The following FMN2 variants were observed in gnomAD, a reference collection of about 807,000 sequenced individuals.
The protein encoded by FMN2 is formin-2.
FMN2 carries 51 observed loss-of-function variants against 142.3 expected under a neutral mutation model. The ratio of observed to expected loss-of-function variants is 0.36; its 90% CI spans 0.29 to 0.45. FMN2 has a LOEUF of 0.45. Ranked by LOEUF, FMN2 falls within the 20% of genes least tolerant of loss-of-function variation. FMN2 has a pLI of 1.00. For missense variants in FMN2, 1,936 were observed against 2,122.8 expected, an observed-to-expected ratio of 0.91 and a Z score of 1.73; for synonymous variants, 882 against 869.8, an observed-to-expected ratio of 1.01 and a Z score of -0.25.
chr1:240,169,375 G>A (rs1162619408), intron 2 of FMN2, among the ~76,000 whole-genome samples: 1 of 152,182 alleles, frequency 6.6e-6, no homozygotes, highest in African/African-American at 2.4e-5. Flanking sequence ...TCTTTTTGAG[G>A]TCAGTAGGAC....
intron 6 of FMN2, among the ~76,000 whole-genome samples, chr1:240,248,379 T>G (rs1668152275): frequency 6.7e-6 from 1 of 149,808 alleles, no homozygotes; most frequent in African/African-American, 2.4e-5. Context: ...GGATTATATA[T>G]ATATATATAA....
At chr1:240,259,572 T>A (rs1668559385) in intron 7 of FMN2, among the ~76,000 whole-genome samples, 1 of 151,482 alleles carries the variant, frequency 6.6e-6, no homozygotes, top group South Asian at 2.1e-4. Context: ...AGTCCTATTC[T>A]GCCTTGGTGT....
At chr1:240,311,021 G>C (rs539877941) in intron 8 of FMN2, among the ~76,000 whole-genome samples, 1 of 151,746 alleles carries the variant, frequency 6.6e-6, no homozygotes, top group Non-Finnish European at 1.5e-5. Flanking sequence ...CATGAAAAAA[G>C]ATAGGAAGGG....
chr1:240,365,129 G>A (rs879801075), intron 14 of FMN2, among the ~76,000 whole-genome samples: 1 of 151,752 alleles, frequency 6.6e-6, no homozygotes, highest in Non-Finnish European at 1.5e-5. Flanking sequence ...AAGCATGTAT[G>A]TGCATATATA....
intron 7 of FMN2, among the ~76,000 whole-genome samples, chr1:240,270,693 T>A (rs1212051728): frequency 6.6e-6 from 1 of 152,038 alleles, no homozygotes; most frequent in Non-Finnish European, 1.5e-5. Context: ...TGTAACAACA[T>A]GGACAAACCT....
chr1:240,159,957 CTG>C (rs200278083), intron 2 of FMN2, among the ~76,000 whole-genome samples: 3 of 119,494 alleles, frequency 2.5e-5, no homozygotes, highest in African/African-American at 7.1e-5. Flanking sequence ...ATATCTATAT[CTG>C]TGTATATATA....
chr1:240,170,899 C>G, intron 2 of FMN2: 1 of 798,364 alleles, frequency 1.3e-6, no homozygotes, highest in Non-Finnish European at 2.3e-6. Flanking sequence ...TATGAACCGT[C>G]AGGATTTTAG....
At chr1:240,154,995 C>A (rs760094883) in intron 2 of FMN2, among the ~76,000 whole-genome samples, 24 of 151,132 alleles carry the variant, frequency 1.6e-4, no homozygotes, top group Admixed American at 2.6e-4. Flanking sequence ...TAAGCAATCC[C>A]CCCCCCGACC....
intron 2 of FMN2, among the ~76,000 whole-genome samples, chr1:240,152,327 CT>C (rs1045213176): frequency 7.0e-4 from 106 of 152,022 alleles, no homozygotes; most frequent in African/African-American, 2.6e-3. Context: ...AAGAAAAAGC[CT>C]TACATTCCTT....
At chr1:240,144,524 C>CG in intron 2 of FMN2, 5 of 1,469,634 alleles carry the variant, frequency 3.4e-6, no homozygotes, top group Non-Finnish European at 4.8e-6. Flanking sequence ...CACATCCTCG[C>CG]AGGATGTGAA....
intron 3 of FMN2, 119 bp from the exon 4 acceptor site, chr1:240,188,088 T>C: frequency 4.6e-6 from 4 of 864,692 alleles, no homozygotes; most frequent in Non-Finnish European, 7.3e-6. Context: ...GAAGAGAGAC[T>C]GGATATTTTT....
At chr1:240,447,873 G>GAT (rs1288819127) in intron 16 of FMN2, among the ~76,000 whole-genome samples, 1 of 152,204 alleles carries the variant, frequency 6.6e-6, no homozygotes, top group African/African-American at 2.4e-5. Flanking sequence ...GCATGTGAAT[G>GAT]ATAGCTCAGT....
intron 4 of FMN2, among the ~76,000 whole-genome samples, chr1:240,196,552 C>T (rs551016937): frequency 6.6e-6 from 1 of 152,186 alleles, no homozygotes; most frequent in African/African-American, 2.4e-5. Context: ...GCTCTTGTTG[C>T]CCAGGCTGGA....
chr1:240,332,596 C>T (rs193148804), intron 11 of FMN2, among the ~76,000 whole-genome samples: 2 of 152,052 alleles, frequency 1.3e-5, no homozygotes, highest in East Asian at 3.9e-4. Flanking sequence ...TTATTCAATC[C>T]TCTGTTAGGT....
intron 2 of FMN2, among the ~76,000 whole-genome samples, chr1:240,149,846 A>C (rs1663687729): frequency 6.6e-6 from 1 of 152,224 alleles, no homozygotes; most frequent in Non-Finnish European, 1.5e-5. Context: ...CTTTGAGGTA[A>C]ATTTTTGAAA....
At chr1:240,460,516 C>A (rs943256604) in intron 16 of FMN2, among the ~76,000 whole-genome samples, 3 of 151,930 alleles carry the variant, frequency 2.0e-5, no homozygotes, top group Non-Finnish European at 4.4e-5. Flanking sequence ...CGCTTAAACC[C>A]CAGTGAGACA....
At chr1:240,252,655 T>G (rs1200263723) in intron 6 of FMN2, among the ~76,000 whole-genome samples, 1 of 151,750 alleles carries the variant, frequency 6.6e-6, no homozygotes, top group Non-Finnish European at 1.5e-5. Flanking sequence ...GGTTCTCTTA[T>G]AAGTGACTAG....
intron 6 of FMN2, among the ~76,000 whole-genome samples, chr1:240,212,588 A>C (rs1666733435): frequency 6.6e-6 from 1 of 151,716 alleles, no homozygotes; most frequent in Admixed American, 6.6e-5. Context: ...ATTAAAAACC[A>C]GAAGGTTACT....
At chr1:240,450,044 T>A (rs1321603295) in intron 16 of FMN2, among the ~76,000 whole-genome samples, 1 of 152,126 alleles carries the variant, frequency 6.6e-6, no homozygotes, top group Non-Finnish European at 1.5e-5. Context: ...ATAAGTATTC[T>A]TTGACCAATG....
Sources: gnomAD v4.1 joint callset for allele counts (sites outside exome capture counted in the v4.1 genomes callset) on GRCh38, gnomAD v4.1.1 for gene constraint, MANE v1.5 for transcripts, NCBI Gene and HGNC (gene_info 2026-07-23, HGNC 2026-07-21) for gene names.